SPTA1: variants seen among roughly 807,000 people sequenced by gnomAD.
SPTA1 encodes spectrin alpha chain, erythrocytic 1.
Under a neutral mutation model 324.7 loss-of-function variants are expected in SPTA1, and 177 were observed. That is an observed-to-expected ratio of 0.55 (90% CI 0.48 to 0.62). The LOEUF is 0.62. Ranked by LOEUF, SPTA1 falls within the 20% of genes least tolerant of loss-of-function variation. SPTA1 has a pLI of 0.00. For missense variants in SPTA1, 3,162 were observed against 2,883.6 expected, an observed-to-expected ratio of 1.10 and a Z score of -2.21; for synonymous variants, 1,195 against 1,041.3, an observed-to-expected ratio of 1.15 and a Z score of -2.84.
intron 8 of SPTA1, 51 bp from the exon 9 acceptor site, chr1:158,674,726 G>A: frequency 6.2e-7 from 1 of 1,607,672 alleles, no homozygotes; most frequent in African/African-American, 1.3e-5. Flanking sequence ...GATATGAAAG[G>A]ACATTGAACA....
chr1:158,621,957 C>T (rs551789952), intron 43 of SPTA1, among the ~76,000 whole-genome samples: 71 of 152,282 alleles, frequency 4.7e-4, no homozygotes, highest in Admixed American at 1.1e-3. Flanking sequence ...CTCCATCTCC[C>T]GGGATCACGC....
chr1:158,676,529 T>C (rs116426689), intron 7 of SPTA1, among the ~76,000 whole-genome samples: 1,871 of 152,302 alleles, frequency 0.012, 13 homozygotes, highest in Non-Finnish European at 0.017. Flanking sequence ...TTTATATTAT[T>C]CATTTAATAA....
rs530945820 is a variant in SPTA1, at chr1:158,634,728, G to A, written c.5433-53C>T. 7 of 1,609,418 alleles carry A rather than the reference G, an allele frequency of 4.3e-6. No homozygotes were observed. In the African/African-American group the frequency reaches 8.0e-5, roughly 18 times the overall value. On this transcript the variant is annotated intron_variant, in intron 38 of 51. Coordinates refer to ENST00000643759, the MANE Select transcript of SPTA1 (RefSeq NM_003126.4). ...GGATAAGAACAAACTGGTAAGCAGT[G>A]GGAGTACAGTGGGGTGGCACAATCT...
At chr1:158,648,769 C>CA (rs1652194617) in intron 25 of SPTA1, 116 bp from the exon 26 acceptor site, 12 of 1,068,716 alleles carry the variant, frequency 1.1e-5, no homozygotes, top group Middle Eastern at 2.9e-4. Context: ...CCCACCCCCC[C>CA]ACCCCAACCA....
intron 43 of SPTA1, 100 bp from the exon 44 acceptor site, chr1:158,620,566 C>G: frequency 1.4e-6 from 2 of 1,443,098 alleles, no homozygotes; most frequent in Admixed American, 2.0e-5. Context: ...TAAATATCTG[C>G]AGGGCCACCA....
chr1:158,651,299 T>A, intron 24 of SPTA1, 68 bp downstream of exon 24: 1 of 977,018 alleles, frequency 1.0e-6, no homozygotes. Context: ...AAGTTCCATG[T>A]TGAAGTGAAA....
At chr1:158,648,769 C>T (rs564399004) in intron 25 of SPTA1, 116 bp from the exon 26 acceptor site, 12 of 1,068,668 alleles carry the variant, frequency 1.1e-5, no homozygotes, top group Admixed American at 2.1e-5. Flanking sequence ...CCCACCCCCC[C>T]ACCCCAACCA....
In SPTA1 at chr1:158,678,394, T is replaced by C. The variant is rs186595817; in HGVS notation, c.812+7A>G. On this transcript the variant is annotated splice_region_variant and intron_variant, in intron 6 of 51. Transcript: ENST00000643759. ...AGTTTTCTATAAAGCAGTGGCCAGA[T>C]CCATACCTTTTGAATCGTTGTAAGT... is the stretch of plus-strand genomic sequence containing the variant. The C allele has an allele frequency of 1.2e-6, 2 of 1,613,420 alleles. No homozygotes were observed. Among genetic ancestry groups the C allele is most frequent in the Non-Finnish European group, 1.7e-6 (2 of 1,179,610 alleles).
At chr1:158,630,322 G>A (rs1025266231) in intron 39 of SPTA1, among the ~76,000 whole-genome samples, 1 of 151,982 alleles carries the variant, frequency 6.6e-6, no homozygotes, top group Non-Finnish European at 1.5e-5. Context: ...ACAGAATAGA[G>A]AGTCCAGAAA....
intron 6 of SPTA1, 81 bp from the exon 7 acceptor site, chr1:158,677,915 G>A (rs919692526): frequency 8.9e-5 from 139 of 1,567,852 alleles, no homozygotes; most frequent in Non-Finnish European, 1.1e-4. Flanking sequence ...TCACAGCAAG[G>A]ACCATCCTAG....
rs1444028516 is a variant in SPTA1, at chr1:158,657,562, T to A, written c.2720A>T (p.Asp907Val). 1.9e-6 allele frequency: 3 copies of A among 1,614,134 alleles called. No individual in the cohort carries two copies. The East Asian group carries it at 6.7e-5, about 36-fold the overall frequency. The change falls in exon 19 of 52, where the codon GAC becomes GTC. Residue 907 changes from aspartate (D) to valine (V), a missense_variant. Coordinates refer to ENST00000643759, the MANE Select transcript of SPTA1 (RefSeq NM_003126.4). ...ANVQFQQYLADLHEAETWIRE... is the reference protein window; with the variant it reads ...ANVQFQQYLAVLHEAETWIRE... ...GATCCATGTTTCTGCTTCATGCAGG[T>A]CAGCCAGGTACTGCTGGAACTGGAC...
intron 15 of SPTA1, among the ~76,000 whole-genome samples, chr1:158,667,625 T>A (rs77482670): frequency 0.022 from 3,283 of 151,914 alleles, 113 homozygotes; most frequent in African/African-American, 0.074. Flanking sequence ...TGCTAAAAAA[T>A]TTTTTTTTAA....
chr1:158,645,965 C>A (rs1440226515), intron 27 of SPTA1, among the ~76,000 whole-genome samples: 1 of 152,154 alleles, frequency 6.6e-6, no homozygotes, highest in Non-Finnish European at 1.5e-5. Flanking sequence ...GAATCCTGGA[C>A]TGTTATATAT....
At chr1:158,612,729 G>T in intron 51 of SPTA1, 88 bp downstream of exon 51, 2 of 1,477,366 alleles carry the variant, frequency 1.4e-6, no homozygotes, top group Non-Finnish European at 1.9e-6. Flanking sequence ...CAAGTGGGTG[G>T]GTTTTTTCAA....
At chr1:158,681,788 G>T in intron 3 of SPTA1, 121 bp from the exon 4 acceptor site, 1 of 1,273,826 alleles carries the variant, frequency 7.9e-7, no homozygotes, top group Non-Finnish European at 1.1e-6. Context: ...TGCATTAGTT[G>T]CTCAACAAAC....
chr1:158,639,926 T>G lies in SPTA1; in HGVS notation c.4819A>C (p.Ser1607Arg). ...CTTGTGTTGAACCTCTGTTGACGAC[T>G]GGCCTCATTGAGCTTCTTCCCTTTG... is the stretch of plus-strand genomic sequence containing the variant. ...NDKGKKLNEA[S>R]RQQRFNTSIR... Residue 1607 changes from serine to arginine, a missense_variant, in exon 34 of 52, where the codon AGT becomes CGT. Ser to Arg is a moderately radical substitution (Grantham distance 110). Coordinates refer to ENST00000643759, the MANE Select transcript of SPTA1 (RefSeq NM_003126.4). 1 of 1,613,984 alleles carries G rather than the reference T, an allele frequency of 6.2e-7. No individual in the cohort carries two copies. Among genetic ancestry groups the G allele is most frequent in the Non-Finnish European group, 8.5e-7 (1 of 1,179,920 alleles).
At chr1:158,628,604 A>G (rs1650450269) in intron 39 of SPTA1, among the ~76,000 whole-genome samples, 1 of 152,176 alleles carries the variant, frequency 6.6e-6, no homozygotes, top group Non-Finnish European at 1.5e-5. Context: ...ACGGTAAATG[A>G]ATATTGGAAA....
intron 16 of SPTA1, among the ~76,000 whole-genome samples, chr1:158,664,076 A>G (rs61444772): frequency 0.11 from 16,124 of 152,186 alleles, 2,853 homozygotes; most frequent in African/African-American, 0.37. Flanking sequence ...TTACTCTGTG[A>G]GTAGGAGTGT....
chr1:158,666,007 C>T (rs943032867), intron 16 of SPTA1, among the ~76,000 whole-genome samples: 3 of 151,976 alleles, frequency 2.0e-5, no homozygotes, highest in African/African-American at 7.2e-5. Context: ...AGGTTCTGAC[C>T]AAAGACACTG....
Sources: gnomAD v4.1 joint callset for allele counts (sites outside exome capture counted in the v4.1 genomes callset) on GRCh38, gnomAD v4.1.1 for gene constraint, MANE v1.5 for transcripts, NCBI Gene and HGNC (gene_info 2026-07-23, HGNC 2026-07-21) for gene names.